The following ERBB4 variants were observed in gnomAD, a reference collection of about 807,000 sequenced individuals.
ERBB4 encodes receptor tyrosine-protein kinase erbB-4.
ERBB4 carries 42 observed loss-of-function variants against 158.0 expected under a neutral mutation model. That is an observed-to-expected ratio of 0.27 (90% CI 0.21 to 0.34). The LOEUF is 0.34. ERBB4 is among the 10% of genes least tolerant of loss of function. ERBB4 has a pLI of 1.00. For missense variants in ERBB4, 1,333 were observed against 1,624.1 expected, an observed-to-expected ratio of 0.82 and a Z score of 3.08; for synonymous variants, 583 against 558.7, an observed-to-expected ratio of 1.04 and a Z score of -0.61.
intron 2 of ERBB4, among the ~76,000 whole-genome samples, chr2:212,042,351 T>C (rs2077161300): frequency 6.6e-6 from 1 of 152,112 alleles, no homozygotes; most frequent in Non-Finnish European, 1.5e-5. Flanking sequence ...GTTTAGACTA[T>C]ATTAGATTCT....
intron 2 of ERBB4, among the ~76,000 whole-genome samples, chr2:212,042,980 T>C (rs2077175508): frequency 6.6e-6 from 1 of 152,182 alleles, no homozygotes; most frequent in Non-Finnish European, 1.5e-5. Flanking sequence ...TTGTCTCAGC[T>C]TAGTTTCTTT....
chr2:211,920,970 C>A (rs1227892621), intron 3 of ERBB4, among the ~76,000 whole-genome samples: 1 of 151,792 alleles, frequency 6.6e-6, no homozygotes, highest in Non-Finnish European at 1.5e-5. Flanking sequence ...ACACTACAAT[C>A]TACACAAATG....
chr2:212,075,700 T>C (rs1396807710), intron 2 of ERBB4, among the ~76,000 whole-genome samples: 1 of 151,968 alleles, frequency 6.6e-6, no homozygotes, highest in Non-Finnish European at 1.5e-5. Context: ...ATAATATTCA[T>C]ACCTGTTAGC....
At chr2:211,609,029 A>G (rs1331834099) in intron 19 of ERBB4, among the ~76,000 whole-genome samples, 3 of 152,034 alleles carry the variant, frequency 2.0e-5, no homozygotes, top group Non-Finnish European at 4.4e-5. Context: ...AAGGGTGATG[A>G]TGGTATGCAG....
At chr2:211,811,509 G>A (rs1330224370) in intron 3 of ERBB4, among the ~76,000 whole-genome samples, 3 of 151,898 alleles carry the variant, frequency 2.0e-5, no homozygotes, top group East Asian at 1.9e-4. Context: ...TGCTCTTCTC[G>A]AGGAGTATCT....
At chr2:211,447,999 G>A (rs2064154363) in intron 20 of ERBB4, among the ~76,000 whole-genome samples, 2 of 152,022 alleles carry the variant, frequency 1.3e-5, no homozygotes, top group South Asian at 4.1e-4. Context: ...TTGAGACAGA[G>A]TCTCGCTCTG....
intron 25 of ERBB4, among the ~76,000 whole-genome samples, chr2:211,407,901 A>G (rs1170253723): frequency 1.3e-5 from 2 of 152,110 alleles, no homozygotes; most frequent in Non-Finnish European, 2.9e-5. Flanking sequence ...CCCACCCCCT[A>G]CTATCCACAA....
At chr2:211,493,329 T>C (rs138393061) in intron 20 of ERBB4, among the ~76,000 whole-genome samples, 63 of 152,206 alleles carry the variant, frequency 4.1e-4, no homozygotes, top group African/African-American at 1.5e-3. Flanking sequence ...CAATTTAATA[T>C]ATTGAACAGA....
rs115696718 is a variant in ERBB4 at position 212,193,441 on chromosome 2, G to A, written c.83-68538C>T. ...AATTTTCTCTAGTTTAATACCTGCT[G>A]GGTCACATATAGAATACAAATAAGA... On this transcript the variant is annotated intron_variant, in intron 1 of 27. Transcript: ENST00000342788. Among the ~76,000 whole-genome samples, 897 of 152,132 alleles carry A rather than the reference G, an allele frequency of 5.9e-3. 6 individuals carry two copies. The highest frequency in any genetic ancestry group is 0.02 in the African/African-American group (830 of 41,516).
At chr2:211,742,971 C>T (rs1190473680) in intron 5 of ERBB4, among the ~76,000 whole-genome samples, 1 of 151,638 alleles carries the variant, frequency 6.6e-6, no homozygotes, top group Admixed American at 6.6e-5. Context: ...GAGGTAAATC[C>T]CATCAAAAGA....
chr2:211,582,530 G>T (rs1160026342), intron 19 of ERBB4, among the ~76,000 whole-genome samples: 6 of 152,126 alleles, frequency 3.9e-5, no homozygotes, highest in African/African-American at 1.2e-4. Context: ...TAAATTATTA[G>T]AAAATGTTTC....
intron 2 of ERBB4, among the ~76,000 whole-genome samples, chr2:212,008,419 C>T (rs1019727425): frequency 6.6e-6 from 1 of 152,014 alleles, no homozygotes; most frequent in African/African-American, 2.4e-5. Context: ...TTACGTTGGA[C>T]ACCAAGGACA....
chr2:212,261,651 A>T (rs2106087999), intron 1 of ERBB4, among the ~76,000 whole-genome samples: 1 of 152,256 alleles, frequency 6.6e-6, no homozygotes, highest in South Asian at 2.1e-4. Context: ...ATGAGGGATA[A>T]AAAGCTACTT....
intron 1 of ERBB4, among the ~76,000 whole-genome samples, chr2:212,127,770 A>C (rs1265770948): frequency 4.6e-5 from 7 of 152,130 alleles, no homozygotes; most frequent in Admixed American, 4.6e-4. Flanking sequence ...ATCAGGAAAG[A>C]AAGCCCCGTG....
intron 1 of ERBB4, among the ~76,000 whole-genome samples, chr2:212,185,012 C>CTTTTTTTTCTG (rs2081975761): frequency 2.1e-5 from 3 of 139,950 alleles, no homozygotes; most frequent in Non-Finnish European, 3.0e-5. Flanking sequence ...ATCACAGTTA[C>CTTTTTTTTCTG]TTTTTTTTCT....
chr2:211,954,319 A>G (rs902118801), intron 2 of ERBB4, among the ~76,000 whole-genome samples: 1 of 152,084 alleles, frequency 6.6e-6, no homozygotes, highest in Non-Finnish European at 1.5e-5. Flanking sequence ...CTAGCTAAGT[A>G]TGTAAAACTC....
chr2:211,961,474 A>G (rs1216250503), intron 2 of ERBB4, among the ~76,000 whole-genome samples: 1 of 152,292 alleles, frequency 6.6e-6, no homozygotes. Flanking sequence ...GAACCCATGT[A>G]AACATGAAGC....
chr2:212,514,634 G>A (rs1241703316), intron 1 of ERBB4, among the ~76,000 whole-genome samples: 4 of 152,050 alleles, frequency 2.6e-5, no homozygotes, highest in Non-Finnish European at 4.4e-5. Flanking sequence ...GTAAAACCCC[G>A]TCTCTACTAA....
intron 1 of ERBB4, among the ~76,000 whole-genome samples, chr2:212,194,289 T>TACACACACAC (rs1469853633): frequency 7.1e-5 from 3 of 42,484 alleles, no homozygotes; most frequent in Non-Finnish European, 1.6e-4. Context: ...TTAAATAGTT[T>TACACACACAC]ATACACACAC....
Sources: gnomAD v4.1 joint callset for allele counts (sites outside exome capture counted in the v4.1 genomes callset) on GRCh38, gnomAD v4.1.1 for gene constraint, MANE v1.5 for transcripts, NCBI Gene and HGNC (gene_info 2026-07-23, HGNC 2026-07-21) for gene names.